Variants in HS3ST2 observed in about 807,000 individuals in gnomAD.
HS3ST2 encodes the protein heparan sulfate-glucosamine 3-sulfotransferase 2, also known as heparan sulfate glucosamine 3-O-sulfotransferase 2.
A neutral mutation model predicts 26.3 loss-of-function variants in HS3ST2; 17 were observed. That is an observed-to-expected ratio of 0.65 (90% CI 0.44 to 0.97). The LOEUF is 0.97. Ranked by LOEUF, HS3ST2 falls within the 50% of genes least tolerant of loss-of-function variation. HS3ST2 has a pLI of 0.00. For synonymous variants in HS3ST2, 237 were observed against 219.2 expected (o/e 1.08, Z -0.72); for missense variants, 402 against 501.2 (o/e 0.80, Z 1.89).
chr16:22,880,795 A>G (rs1901979716), intron 1 of HS3ST2, among the ~76,000 whole-genome samples: 1 of 152,218 alleles, frequency 6.6e-6, no homozygotes. Context: ...GGTAGAAATA[A>G]GTGTCTTTTC....
chr16:22,879,640 G>C (rs140999145), intron 1 of HS3ST2, among the ~76,000 whole-genome samples: 89 of 152,274 alleles, frequency 5.8e-4, no homozygotes, highest in African/African-American at 2.0e-3. Context: ...AAAGGAGCTC[G>C]GAGCTAATGA....
At chr16:22,883,299 G>A (rs1446657608) in intron 1 of HS3ST2, among the ~76,000 whole-genome samples, 1 of 152,194 alleles carries the variant, frequency 6.6e-6, no homozygotes, top group Non-Finnish European at 1.5e-5. Context: ...TCAGTCTGAG[G>A]GTTTAAACCC....
chr16:22,909,306 A>C (rs1241041459), intron 1 of HS3ST2, among the ~76,000 whole-genome samples: 1 of 152,206 alleles, frequency 6.6e-6, no homozygotes, highest in African/African-American at 2.4e-5. Context: ...CCAAACAATG[A>C]GCATTAGATT....
intron 1 of HS3ST2, among the ~76,000 whole-genome samples, chr16:22,865,351 G>A (rs1901736435): frequency 1.3e-5 from 2 of 152,064 alleles, no homozygotes; most frequent in East Asian, 1.9e-4. Context: ...TCAGGAGTTC[G>A]AGACCAGCCT....
At chr16:22,876,564 G>A (rs942195993) in intron 1 of HS3ST2, among the ~76,000 whole-genome samples, 1 of 152,224 alleles carries the variant, frequency 6.6e-6, no homozygotes, top group Non-Finnish European at 1.5e-5. Context: ...CACCACTATG[G>A]AAAACCGTGT....
chr16:22,853,070 GCAT>G (rs1901539689), intron 1 of HS3ST2, among the ~76,000 whole-genome samples: 2 of 152,134 alleles, frequency 1.3e-5, no homozygotes, highest in Admixed American at 1.3e-4. Context: ...GCATATAGCA[GCAT>G]GCACAAATTG....
At chr16:22,876,194 A>G (rs914353682) in intron 1 of HS3ST2, among the ~76,000 whole-genome samples, 1 of 152,222 alleles carries the variant, frequency 6.6e-6, no homozygotes, top group Admixed American at 6.5e-5. Flanking sequence ...ATAGCAAACT[A>G]TGCATCCGAC....
chr16:22,904,130 C>G (rs999232223), intron 1 of HS3ST2, among the ~76,000 whole-genome samples: 4 of 152,164 alleles, frequency 2.6e-5, no homozygotes, highest in Admixed American at 6.5e-5. Flanking sequence ...TCAGGGATAA[C>G]CTTTCCCACC....
chr16:22,833,013 G>A (rs1901197643), intron 1 of HS3ST2, among the ~76,000 whole-genome samples: 1 of 152,092 alleles, frequency 6.6e-6, no homozygotes, highest in African/African-American at 2.4e-5. Flanking sequence ...GATACCCTCA[G>A]TTCCTTCTTC....
At chr16:22,847,045 T>G (rs11864419) in intron 1 of HS3ST2, among the ~76,000 whole-genome samples, 8,107 of 152,158 alleles carry the variant, frequency 0.053, 696 homozygotes, top group African/African-American at 0.18. Flanking sequence ...ACTCATGCCA[T>G]GGTGGGAGTT....
intron 1 of HS3ST2, among the ~76,000 whole-genome samples, chr16:22,875,412 G>T (rs892779097): frequency 6.6e-6 from 1 of 151,008 alleles, no homozygotes; most frequent in Non-Finnish European, 1.5e-5. Context: ...ATAGAGTCTC[G>T]CTCTGTCGCC....
At chr16:22,839,617 C>CT (rs3831620) in intron 1 of HS3ST2, among the ~76,000 whole-genome samples, 3,390 of 148,098 alleles carry the variant, frequency 0.023, 40 homozygotes, top group Admixed American at 0.031. Flanking sequence ...ATATTGTATG[C>CT]TTTTTTTTTT....
At chr16:22,823,195 G>A (rs1901026415) in intron 1 of HS3ST2, among the ~76,000 whole-genome samples, 1 of 152,192 alleles carries the variant, frequency 6.6e-6, no homozygotes, top group South Asian at 2.1e-4. Flanking sequence ...AAAACAGTGT[G>A]ATTGAATTTT....
intron 1 of HS3ST2, among the ~76,000 whole-genome samples, chr16:22,888,859 C>T (rs1457894532): frequency 6.6e-6 from 1 of 152,194 alleles, no homozygotes; most frequent in Non-Finnish European, 1.5e-5. Context: ...AGTGAGGTGC[C>T]ACTACCTCAC....
At chr16:22,900,481 G>A in intron 1 of HS3ST2, among the ~76,000 whole-genome samples, 1 of 152,116 alleles carries the variant, frequency 6.6e-6, no homozygotes, top group Non-Finnish European at 1.5e-5. Flanking sequence ...AGCTGTGGTG[G>A]GTCCTGAGCT....
At position 22,901,183 on chromosome 16, in the gene HS3ST2, A is replaced by G. The variant is rs56908582; in HGVS notation, c.486-13761A>G. ...AAACTAACACGAAAGTCACATGGCC[A>G]GGAAAAGGAAAAGCTGGGACTCCAA... On this transcript the variant is annotated intron_variant, in intron 1 of 1. Coordinates refer to ENST00000261374, the MANE Select transcript of HS3ST2 (RefSeq NM_006043.2). Among the ~76,000 whole-genome samples, 290 of 152,362 alleles carry G rather than the reference A, an allele frequency of 1.9e-3. 3 individuals carry two copies. In the East Asian group the frequency reaches 0.028, roughly 14 times the overall value.
At chr16:22,906,367 C>CTAAATAAATAAATAAATAAA (rs55897973) in intron 1 of HS3ST2, among the ~76,000 whole-genome samples, 25,674 of 143,826 alleles carry the variant, frequency 0.18, 2,543 homozygotes, top group East Asian at 0.27. Flanking sequence ...GAGACTCCAT[C>CTAAATAAATAAATAAATAAA]TAAATAAATA....
At chr16:22,823,455 T>C (rs1034022708) in intron 1 of HS3ST2, among the ~76,000 whole-genome samples, 3 of 152,044 alleles carry the variant, frequency 2.0e-5, no homozygotes, top group Admixed American at 2.0e-4. Flanking sequence ...ACAACTGACG[T>C]TATGGGAAAT....
intron 1 of HS3ST2, among the ~76,000 whole-genome samples, chr16:22,854,043 G>T (rs1901555305): frequency 6.6e-6 from 1 of 152,162 alleles, no homozygotes; most frequent in African/African-American, 2.4e-5. Flanking sequence ...CTGATGATTG[G>T]CTGGAACATG....
Sources: gnomAD v4.1 joint callset for allele counts (sites outside exome capture counted in the v4.1 genomes callset) on GRCh38, gnomAD v4.1.1 for gene constraint, MANE v1.5 for transcripts, NCBI Gene and HGNC (gene_info 2026-07-23, HGNC 2026-07-21) for gene names.